Variants in DHX34 observed in about 807,000 individuals in gnomAD.
The protein encoded by DHX34 is probable ATP-dependent RNA helicase DHX34.
DHX34 carries 96 observed loss-of-function variants against 111.1 expected under a neutral mutation model. The ratio of observed to expected loss-of-function variants is 0.86; its 90% CI spans 0.73 to 1.02. The LOEUF (loss-of-function observed/expected upper bound fraction) is 1.02. Among genes scored for constraint, DHX34 ranks in the 50% least tolerant of loss-of-function variants. The pLI, the probability that DHX34 is intolerant of heterozygous loss-of-function variation, is 0.00. For synonymous variants in DHX34, 688 were observed against 670.4 expected, an observed-to-expected ratio of 1.03 and a Z score of -0.41; for missense variants, 1,560 against 1,579.9, an observed-to-expected ratio of 0.99 and a Z score of 0.21.
At chr19:47,377,345 C>T in intron 13 of DHX34, 139 bp downstream of exon 13, 1 of 855,690 alleles carries the variant, frequency 1.2e-6, no homozygotes, top group Non-Finnish European at 1.8e-6. Context: ...TGGGCCGTTG[C>T]TGTGGCTGCT....
intron 9 of DHX34, among the ~76,000 whole-genome samples, chr19:47,374,589 G>C (rs1028669020): frequency 7.2e-5 from 11 of 152,082 alleles, no homozygotes; most frequent in Admixed American, 5.9e-4. Flanking sequence ...AGAATAAAAG[G>C]GTTCCTGGTG....
At chr19:47,378,944 A>C (rs1370930525) in intron 13 of DHX34, among the ~76,000 whole-genome samples, 1 of 150,976 alleles carries the variant, frequency 6.6e-6, no homozygotes, top group African/African-American at 2.4e-5. Flanking sequence ...AGCCTAGCCA[A>C]TGTGGTGAAA....
intron 13 of DHX34, among the ~76,000 whole-genome samples, chr19:47,377,867 TG>T (rs1183943504): frequency 6.6e-6 from 1 of 151,840 alleles, no homozygotes. Context: ...TGGATGCCCT[TG>T]CATGGGCACC....
Position 47,362,499 on chromosome 19 carries a change from G to A in DHX34, c.1399G>A (p.Asp467Asn), listed in dbSNP as rs145555932. 5.6e-6 allele frequency: 9 copies of A among 1,598,520 alleles called. No individual in the cohort carries two copies. The highest frequency in any genetic ancestry group is 7.7e-6 in the Non-Finnish European group (9 of 1,170,642). ...DSGKVKEMSYDPQAKLQRLQE... is the reference protein window; with the variant it reads ...DSGKVKEMSYNPQAKLQRLQE... ...AGGAAAGGTGAAGGAGATGAGCTAC[G>A]ATCCGCAGGCCAAGCTGCAACGGCT... The change falls in exon 6 of 17, where the codon GAT becomes AAT. Residue 467 changes from aspartate to asparagine, a missense_variant. Coordinates refer to ENST00000328771, the MANE Select transcript of DHX34 (RefSeq NM_014681.6).
At chr19:47,370,234 A>G (rs1211761883) in intron 7 of DHX34, among the ~76,000 whole-genome samples, 1 of 152,212 alleles carries the variant, frequency 6.6e-6, no homozygotes, top group African/African-American at 2.4e-5. Flanking sequence ...ACTTGGGGTC[A>G]TGACAGGGCC....
intron 6 of DHX34, among the ~76,000 whole-genome samples, chr19:47,363,812 C>T (rs1217375015): frequency 7.7e-5 from 9 of 116,590 alleles, no homozygotes; most frequent in African/African-American, 3.5e-4. Flanking sequence ...AACAAGACTC[C>T]ATCTCAAAAA....
intron 4 of DHX34, among the ~76,000 whole-genome samples, chr19:47,358,906 G>GTTAATTAAC (rs1568396435): frequency 6.6e-6 from 1 of 152,174 alleles, no homozygotes; most frequent in Non-Finnish European, 1.5e-5. Flanking sequence ...GTGAGCCACT[G>GTTAATTAAC]TGTCCGGCCT....
At chr19:47,352,260 T>G (rs1293051621) in intron 1 of DHX34, among the ~76,000 whole-genome samples, 3 of 152,192 alleles carry the variant, frequency 2.0e-5, no homozygotes, top group African/African-American at 4.8e-5. Context: ...ATTGTCACAG[T>G]CTGATGACGT....
intron 7 of DHX34, among the ~76,000 whole-genome samples, chr19:47,368,487 G>A (rs1969863665): frequency 6.7e-6 from 1 of 149,950 alleles, no homozygotes; most frequent in Non-Finnish European, 1.5e-5. Context: ...TGTATTTTTA[G>A]TAGAGCTGGG....
intron 9 of DHX34, 79 bp from the exon 10 acceptor site, chr19:47,375,387 T>TGG: frequency 6.9e-7 from 1 of 1,459,322 alleles, no homozygotes; most frequent in Non-Finnish European, 9.0e-7. Flanking sequence ...GCCCTGCCAC[T>TGG]GGGAGGGTCC....
chr19:47,367,602 G>A (rs961612215), intron 7 of DHX34, among the ~76,000 whole-genome samples: 1 of 152,092 alleles, frequency 6.6e-6, no homozygotes, highest in Non-Finnish European at 1.5e-5. Flanking sequence ...CAGAAGTCGA[G>A]AAACATGGCC....
chr19:47,379,213 A>G (rs1259310147), intron 13 of DHX34, among the ~76,000 whole-genome samples: 1 of 152,146 alleles, frequency 6.6e-6, no homozygotes, highest in Admixed American at 6.6e-5. Flanking sequence ...AGAACAGTAT[A>G]TGGAGCCCTC....
chr19:47,364,636 G>C (rs1969735606), intron 6 of DHX34, among the ~76,000 whole-genome samples: 1 of 152,060 alleles, frequency 6.6e-6, no homozygotes, highest in South Asian at 2.1e-4. Context: ...CACGCAGGAG[G>C]CTGAGGCAGG....
At chr19:47,379,127 C>CAAAT (rs945880122) in intron 13 of DHX34, among the ~76,000 whole-genome samples, 1 of 151,016 alleles carries the variant, frequency 6.6e-6, no homozygotes, top group Non-Finnish European at 1.5e-5. Flanking sequence ...AGACTCATCT[C>CAAAT]AAATAAATAA....
At chr19:47,372,344 C>T (rs571151243) in intron 7 of DHX34, among the ~76,000 whole-genome samples, 48 of 152,148 alleles carry the variant, frequency 3.2e-4, no homozygotes, top group Non-Finnish European at 5.3e-4. Flanking sequence ...AGACGTCCAC[C>T]GTGATGGGTC....
In DHX34 at chr19:47,353,631, G is replaced by T; in HGVS notation, c.601G>T (p.Ala201Ser). 6.2e-7 allele frequency: 1 copy of T among 1,613,168 alleles called. No individual in the cohort carries two copies. Among genetic ancestry groups the T allele is most frequent in the Non-Finnish European group, 8.5e-7 (1 of 1,179,934 alleles). The change falls in exon 2 of 17, where the codon GCT becomes TCT. Residue 201 changes from alanine (A) to serine (S), a missense_variant. Transcript: ENST00000328771. This position sits in a 1 kb window ranked among gnomAD's most constrained non-coding sequence, Gnocchi z 4.6. ...CACTCAGGTGCCCCAGTACCTGCTG[G>T]CTGCTGGCTTCAGTCATGTGGCGTG... Reference protein sequence around the residue: ...KSTQVPQYLLAAGFSHVACTQ... With the variant: ...KSTQVPQYLLSAGFSHVACTQ...
chr19:47,366,231 C>T (rs1490362406), intron 6 of DHX34, among the ~76,000 whole-genome samples: 1 of 152,178 alleles, frequency 6.6e-6, no homozygotes, highest in Non-Finnish European at 1.5e-5. Context: ...AGCAGCCCTC[C>T]TTGCCTGCCT....
At chr19:47,378,459 G>A (rs1970240311) in intron 13 of DHX34, among the ~76,000 whole-genome samples, 1 of 152,124 alleles carries the variant, frequency 6.6e-6, no homozygotes, top group South Asian at 2.1e-4. Context: ...GCAGGCCGAG[G>A]GACAGAGGAT....
Position 47,381,397 on chromosome 19 carries a change from G to C in DHX34, c.3298+73G>C, listed in dbSNP as rs975173510. ...CCCATCCCATGATGGTCTCCTGTGC[G>C]TGTGAGCACTTGCTAGAGCTTCGAG... is the stretch of plus-strand genomic sequence containing the variant. On this transcript the variant is annotated intron_variant, in intron 16 of 16. Transcript: ENST00000328771. 4 of 1,551,480 alleles carry C rather than the reference G, an allele frequency of 2.6e-6. No individual in the cohort carries two copies. The South Asian group carries it at 3.6e-5, about 14-fold the overall frequency.
Sources: gnomAD v4.1 joint callset for allele counts (sites outside exome capture counted in the v4.1 genomes callset) on GRCh38, gnomAD v4.1.1 for gene constraint, Gnocchi (gnomAD v3.1) non-coding constraint, MANE v1.5 for transcripts, NCBI Gene and HGNC (gene_info 2026-07-23, HGNC 2026-07-21) for gene names.